The following WIPI2 variants were observed in gnomAD, a reference collection of about 807,000 sequenced individuals.
WIPI2 encodes WD repeat domain phosphoinositide-interacting protein 2.
WIPI2 carries 28 observed loss-of-function variants against 52.3 expected under a neutral mutation model. That is an observed-to-expected ratio of 0.54 (90% CI 0.40 to 0.73). WIPI2 has a LOEUF of 0.73. WIPI2 is among the 30% of genes least tolerant of loss of function. The pLI is 0.00. For missense variants in WIPI2, 506 were observed against 602.9 expected, an observed-to-expected ratio of 0.84 and a Z score of 1.68; for synonymous variants, 268 against 245.0, an observed-to-expected ratio of 1.09 and a Z score of -0.88.
intron 2 of WIPI2, among the ~76,000 whole-genome samples, chr7:5,196,171 C>G (rs945772696): frequency 3.3e-5 from 5 of 151,964 alleles, no homozygotes; most frequent in African/African-American, 1.2e-4. Context: ...GAAACCCCAT[C>G]TCTACTAAAT....
At chr7:5,223,141 G>T (rs1163739546) in intron 8 of WIPI2, among the ~76,000 whole-genome samples, 1 of 152,186 alleles carries the variant, frequency 6.6e-6, no homozygotes, top group Non-Finnish European at 1.5e-5. Context: ...AGGCTGCAAA[G>T]CTTCCCTCAT....
chr7:5,229,297 G>A (rs1224626125), intron 11 of WIPI2: 10 of 234,974 alleles, frequency 4.3e-5, no homozygotes, highest in Non-Finnish European at 3.4e-5. Flanking sequence ...TTACAGGCGT[G>A]AGCCACTGCA....
rs1374342631 is a variant in WIPI2 at position 5,229,698 on chromosome 7, A to C, written c.1212A>C (p.Ala404=). 1 of 1,614,042 alleles carries C rather than the reference A, an allele frequency of 6.2e-7. No homozygotes were observed. The highest frequency in any genetic ancestry group is 1.7e-5 in the Admixed American group (1 of 60,016). ...TCACTCAGACATACGGCGCAGCTGC[A>C]GGAAAAGGTACTTACGTGCCTTCAT... ...PLVTQTYGAA[A]GKGTYVPSSP... The change falls in exon 12 of 13, where the codon GCA becomes GCC. Residue 404 remains alanine (A), a synonymous_variant. Transcript: ENST00000288828.
intron 3 of WIPI2, among the ~76,000 whole-genome samples, chr7:5,205,515 G>A (rs1014406066): frequency 1.1e-4 from 16 of 152,284 alleles, no homozygotes; most frequent in East Asian, 1.9e-4. Flanking sequence ...GCAGTTGGCC[G>A]TCACACTTAG....
At chr7:5,225,365 T>C (rs1316259262) in intron 8 of WIPI2, among the ~76,000 whole-genome samples, 1 of 152,056 alleles carries the variant, frequency 6.6e-6, no homozygotes, top group Non-Finnish European at 1.5e-5. Flanking sequence ...ATGGTCTCGA[T>C]ATCTTGACCT....
chr7:5,228,527 C>A (rs1215003105), intron 11 of WIPI2, among the ~76,000 whole-genome samples: 1 of 152,182 alleles, frequency 6.6e-6, no homozygotes, highest in African/African-American at 2.4e-5. Flanking sequence ...AGGCCTTCCT[C>A]CCCAGGGTGG....
At chr7:5,198,725 C>A (rs1051484659) in intron 2 of WIPI2, among the ~76,000 whole-genome samples, 6 of 152,184 alleles carry the variant, frequency 3.9e-5, no homozygotes, top group African/African-American at 1.4e-4. Context: ...GTGCTTATAT[C>A]CCAAACTTAA....
Position 5,217,161 on chromosome 7 carries a change from G to A in WIPI2, c.550G>A (p.Val184Met), listed in dbSNP as rs1439392123. ...AYPGSATIGE[V>M]QVFDTINLRA... Reference sequence around the variant, plus strand: ...CCCAGGGAGCGCGACCATCGGAGAGGTGCAGGTCTTCGATACCATTAATTT... The same window carrying A: ...CCCAGGGAGCGCGACCATCGGAGAGATGCAGGTCTTCGATACCATTAATTT... Residue 184 changes from valine to methionine, a missense_variant, in exon 6 of 13, where the codon GTG becomes ATG. Coordinates refer to ENST00000288828, the MANE Select transcript of WIPI2 (RefSeq NM_015610.4). The A allele has an allele frequency of 6.2e-7, 1 of 1,614,046 alleles. No individual in the cohort carries two copies. Among genetic ancestry groups the A allele is most frequent in the African/African-American group, 1.3e-5 (1 of 74,922 alleles).
chr7:5,193,062 A>G (rs936659078), intron 1 of WIPI2, 56 bp from the exon 2 acceptor site: 2 of 1,541,008 alleles, frequency 1.3e-6, no homozygotes, highest in African/African-American at 1.4e-5. Context: ...AAGTGTGCAT[A>G]AGTTTTATTT....
intron 3 of WIPI2, among the ~76,000 whole-genome samples, chr7:5,209,310 G>T (rs1447612570): frequency 6.6e-6 from 1 of 152,140 alleles, no homozygotes; most frequent in African/African-American, 2.4e-5. Context: ...TCACTGCAAC[G>T]TGTAAGACCT....
chr7:5,216,053 T>C (rs1008004066), intron 4 of WIPI2: 1 of 153,526 alleles, frequency 6.5e-6, no homozygotes, highest in Non-Finnish European at 1.5e-5. Context: ...CTGGTTAGAA[T>C]TCCCAGTAGA....
At position 5,232,149 on chromosome 7, in the gene WIPI2, G is replaced by T. The variant is rs116669559; in HGVS notation, c.*1202G>T. ...CATTTAAGTGGCATTAATGGCAGGA[G>T]AGATGGTTTTAGAATCTATGGAGTG... On this transcript the variant is annotated 3_prime_UTR_variant, in exon 13 of 13. Coordinates refer to ENST00000288828, the MANE Select transcript of WIPI2 (RefSeq NM_015610.4). The T allele has an allele frequency of 6.7e-4, 266 of 398,972 alleles. No individual in the cohort carries two copies. The highest frequency in any genetic ancestry group is 4.9e-3 in the African/African-American group (238 of 48,766). 24.7% of individuals were successfully genotyped at this position (398,972 alleles called of 1,614,324 possible). A position where few individuals can be genotyped will look rare whatever the true frequency, so the allele number is the denominator to read the frequency against.
intron 5 of WIPI2, 128 bp from the exon 6 acceptor site, chr7:5,216,962 A>C: frequency 9.6e-7 from 1 of 1,037,518 alleles, no homozygotes; most frequent in South Asian, 1.6e-5. Context: ...TAACACAGCA[A>C]ACAAGATTGT....
At chr7:5,213,209 C>G (rs1782643906) in intron 3 of WIPI2, 1 of 152,222 alleles carries the variant, frequency 6.6e-6, no homozygotes, top group Admixed American at 6.6e-5. Context: ...CACCATCTCC[C>G]CATTTGTGGC....
At chr7:5,222,916 A>T in intron 8 of WIPI2, 1 of 433,660 alleles carries the variant, frequency 2.3e-6, no homozygotes, top group Non-Finnish European at 4.3e-6. Context: ...TGAAGAGCTC[A>T]CGCAACCAGG....
At chr7:5,195,750 TACTC>T (rs1232411825) in intron 2 of WIPI2, among the ~76,000 whole-genome samples, 9 of 152,118 alleles carry the variant, frequency 5.9e-5, no homozygotes, top group African/African-American at 2.2e-4. Flanking sequence ...TCTTTAAAAA[TACTC>T]ATCTAGGCCA....
At position 5,230,623 on chromosome 7, in the gene WIPI2, A is replaced by G. The variant is rs950590667; in HGVS notation, c.1253-212A>G. On this transcript the variant is annotated intron_variant, in intron 12 of 12. Transcript: ENST00000288828. The surrounding 1 kb of genome is among the most constrained non-coding windows in gnomAD (Gnocchi z 4.8). ...TTTACTGTGCAGGCATCATTTTGAC[A>G]TTTATGAATGTCAGAGAACAAATGA... is the stretch of plus-strand genomic sequence containing the variant. 1.3e-5 allele frequency among the ~76,000 whole-genome samples: 2 copies of G among 152,206 alleles called. No homozygotes were observed. Among genetic ancestry groups the G allele is most frequent in the African/African-American group, 4.8e-5 (2 of 41,454 alleles).
intron 3 of WIPI2, among the ~76,000 whole-genome samples, chr7:5,205,280 C>T (rs992920941): frequency 1.3e-5 from 2 of 152,114 alleles, no homozygotes; most frequent in African/African-American, 4.8e-5. Context: ...CCGGCCCTGG[C>T]CTATTAGTCT....
rs1134489 is a variant in WIPI2, at chr7:5,217,942, G to A, written c.597G>A (p.Pro199=). 177,479 of 1,613,952 alleles carry A rather than the reference G, an allele frequency of 0.11. 11,186 individuals carry two copies. Among genetic ancestry groups the A allele is most frequent in the Middle Eastern group, 0.13 (809 of 6,050 alleles). Residue 199 remains proline (P), a synonymous_variant, in exon 7 of 13, where the codon CCG becomes CCA. Coordinates refer to ENST00000288828, the MANE Select transcript of WIPI2 (RefSeq NM_015610.4). ...TTCAGAGAGCTGCAAACATGATTCC[G>A]GCTCACGACAGTCCTTTAGCGGCAC... The part of the protein sequence containing the change: ...TINLRAANMI[P]AHDSPLAALA...
Sources: gnomAD v4.1 joint callset for allele counts (sites outside exome capture counted in the v4.1 genomes callset) on GRCh38, gnomAD v4.1.1 for gene constraint, Gnocchi (gnomAD v3.1) non-coding constraint, MANE v1.5 for transcripts, NCBI Gene and HGNC (gene_info 2026-07-23, HGNC 2026-07-21) for gene names.